Variants in COL1A1 observed in about 807,000 individuals in gnomAD.
COL1A1 encodes collagen type I alpha 1 chain.
COL1A1 carries 21 observed loss-of-function variants against 195.7 expected under a neutral mutation model. The ratio of observed to expected loss-of-function variants is 0.11; its 90% CI spans 0.08 to 0.15. The LOEUF is 0.15. Ranked by LOEUF, COL1A1 falls within the 10% of genes least tolerant of loss-of-function variation. The probability of loss-of-function intolerance (pLI) is 1.00; values close to 1 mark genes in which losing one functional copy is unlikely to be tolerated. For synonymous variants in COL1A1, 749 were observed against 747.3 expected (o/e 1.00, Z -0.04); for missense variants, 1,365 against 2,051.0 (o/e 0.67, Z 6.46).
At chr17:50,198,871 G>A (rs1022099972) in intron 5 of COL1A1, among the ~76,000 whole-genome samples, 12 of 152,094 alleles carry the variant, frequency 7.9e-5, no homozygotes, top group Admixed American at 2.6e-4. Flanking sequence ...GGACATTATC[G>A]GGACATCGGT....
intron 50 of COL1A1, 50 bp downstream of exon 50, chr17:50,185,728 A>G: frequency 6.2e-7 from 1 of 1,611,780 alleles, no homozygotes; most frequent in Non-Finnish European, 8.5e-7. Context: ...CTGGCCAAAA[A>G]GCCCAAGGCC....
chr17:50,185,359 G>GA lies in COL1A1; in HGVS notation c.*142dup, dbSNP rs572791972. 6.5e-6 allele frequency: 6 copies of GA among 928,384 alleles called. No individual in the cohort carries two copies. The East Asian group carries it at 9.0e-5, about 14-fold the overall frequency. The allele number at this position is 928,384 out of a possible 1,614,324, so 57.5% of individuals were successfully genotyped here. A position where few individuals can be genotyped will look rare whatever the true frequency, so the allele number is the denominator to read the frequency against. ...CTAAGTTTGAGAGATGAATGCAAAG[G>GA]AAAAAAATATTTTCCAAAGTCCATG... On this transcript the variant is annotated 3_prime_UTR_variant, in exon 51 of 51. Coordinates refer to ENST00000225964, the MANE Select transcript of COL1A1 (RefSeq NM_000088.4).
At position 50,199,021 on chromosome 17, in the gene COL1A1, A is replaced by G. The variant is rs78271486; in HGVS notation, c.471+205T>C. 0.032 allele frequency among the ~76,000 whole-genome samples: 4,846 copies of G among 152,316 alleles called. 240 individuals are homozygous for G. Among genetic ancestry groups the G allele is most frequent in the African/African-American group, 0.11 (4,589 of 41,540 alleles). ...CCTGATGTTAGCAACTTGCTCAAAC[A>G]GTTCAGAAAAAAAAAGATACATATA... On this transcript the variant is annotated intron_variant, in intron 5 of 50. Transcript: ENST00000225964.
chr17:50,199,496 A>T (rs747939911), intron 3 of COL1A1, 43 bp from the exon 4 acceptor site: 1 of 1,614,156 alleles, frequency 6.2e-7, no homozygotes, highest in East Asian at 2.2e-5. Context: ...AGGTTAGAGA[A>T]GGGAGGACTG....
In COL1A1 at chr17:50,199,336, G is replaced by A. The variant is rs773193800; in HGVS notation, c.370-9C>T. On this transcript the variant is annotated splice_polypyrimidine_tract_variant and intron_variant, in intron 4 of 50. Transcript: ENST00000225964. The stretch of plus-strand genomic sequence containing the variant: ...GGGGGGCCTGCGGGTCCCTGCAGGG[G>A]GAGAGGGCGGGGCCGGGGTGAGCGT... The A allele has an allele frequency of 3.8e-6, 6 of 1,575,114 alleles. No homozygotes were observed. In the East Asian group the frequency reaches 1.2e-4, roughly 31 times the overall value.
At chr17:50,199,049 T>C (rs1010787267) in intron 5 of COL1A1, among the ~76,000 whole-genome samples, 177 bp downstream of exon 5, 1 of 152,224 alleles carries the variant, frequency 6.6e-6, no homozygotes, top group Non-Finnish European at 1.5e-5. Context: ...TACATATACA[T>C]AAACAGAGAC....
In COL1A1 at chr17:50,186,259, T is replaced by C; in HGVS notation, c.4005+58A>G. The C allele has an allele frequency of 6.2e-7, 1 of 1,606,828 alleles. No homozygotes were observed. ...GACCTACTCCAGGACTTCATGTCCCTTCTGAGCACTGGGCTAGCCCATCTC... is the reference window on the plus strand; with the variant it reads ...GACCTACTCCAGGACTTCATGTCCCCTCTGAGCACTGGGCTAGCCCATCTC... On this transcript the variant is annotated intron_variant, in intron 49 of 50. Coordinates refer to ENST00000225964, the MANE Select transcript of COL1A1 (RefSeq NM_000088.4). The surrounding 1 kb of genome is among the most constrained non-coding windows in gnomAD (Gnocchi z 5.3).
intron 26 of COL1A1, 58 bp from the exon 27 acceptor site, chr17:50,192,908 C>T (rs374443365): frequency 1.8e-5 from 29 of 1,612,722 alleles, no homozygotes; most frequent in Middle Eastern, 1.6e-4. Flanking sequence ...AGCTGAGGAC[C>T]GTGGCCTCTA....
At position 50,199,562 on chromosome 17, in the gene COL1A1, G is replaced by A; in HGVS notation, c.327C>T (p.Gly109=). 6.2e-7 allele frequency: 1 copy of A among 1,614,182 alleles called. No homozygotes were observed. The highest frequency in any genetic ancestry group is 1.1e-5 in the South Asian group (1 of 91,088). Residue 109 remains glycine, a synonymous_variant, in exon 3 of 51, where the codon GGC becomes GGT. Coordinates refer to ENST00000225964, the MANE Select transcript of COL1A1 (RefSeq NM_000088.4). ...TTCGAGGGCAGGAGATTACCTCGAC[G>A]CCGGTGGTTTCTTGGTCGGTGGGTG... The part of the protein sequence containing the change: ...SESPTDQETT[G]VEGPKGDTGP...
In COL1A1 at chr17:50,198,128, A is replaced by G. The variant is rs35231764; in HGVS notation, c.588+33T>C. ...TCTTCCCTCCAAAAGACCAAAGCCC[A>G]AGGAGGCATATGAAGACGTCCTGGA... On this transcript the variant is annotated intron_variant, in intron 7 of 50. Transcript: ENST00000225964. 462,175 of 1,612,788 alleles carry G rather than the reference A, an allele frequency of 0.29. 69,541 individuals carry two copies. The highest frequency in any genetic ancestry group is 0.34 in the Middle Eastern group (2,030 of 6,058).
chr17:50,193,957 G>A lies in COL1A1; in HGVS notation c.1753C>T (p.Pro585Ser), dbSNP rs1170607509. The A allele has an allele frequency of 6.2e-7, 1 of 1,614,060 alleles. No individual in the cohort carries two copies. Among genetic ancestry groups the A allele is most frequent in the Non-Finnish European group, 8.5e-7 (1 of 1,179,986 alleles). The change falls in exon 25 of 51, where the codon CCT (proline) becomes TCT (serine). Residue 585 changes from proline (P) to serine (S), a missense_variant. Physicochemically the swap from Pro to Ser is moderately conservative, Grantham distance 74. This residue lies in a region of COL1A1 where 671 missense variants were observed against 1,099.9 expected (regional missense o/e 0.61). Transcript: ENST00000225964. ...TTAATACTCACAGCAGCACCTTTAG[G>A]TCCAGGGAATCCCATCACACCAGCC... The part of the protein sequence containing the change: ...GQAGVMGFPG[P>S]KGAAGEPGKA...
At position 50,199,797 on chromosome 17, in the gene COL1A1, T is replaced by A. The variant is rs766870668; in HGVS notation, c.254A>T (p.Glu85Val). Residue 85 changes from glutamate to valine, a missense_variant, in exon 2 of 51, where the codon GAA becomes GTA. By Grantham distance (121) the Glu-to-Val change is moderately radical. Around this residue, in one of 5 missense-constraint regions of COL1A1, gnomAD observed 194 missense variants for 221.7 expected, o/e 0.88. Coordinates refer to ENST00000225964, the MANE Select transcript of COL1A1 (RefSeq NM_000088.4). ...CDETKNCPGA[E>V]VPEGECCPVC... ...GGGACAGCACTCGCCCTCGGGGACT[T>A]CGGCGCCGGGGCAGTTCTTGGTCTC... The A allele has an allele frequency of 2.5e-6, 4 of 1,613,688 alleles. No individual in the cohort carries two copies. The South Asian group carries it at 4.4e-5, about 18-fold the overall frequency.
chr17:50,190,327 A>G lies in COL1A1; in HGVS notation c.2451T>C (p.Pro817=), dbSNP rs374465457. ...PPGPAGFAGP[P]GADGQPGAKG... is the part of the protein sequence containing the mutation. ...AAATGATGGGGGTCTTGGTACTCACAGGGGGGCCAGCAAAGCCAGCAGGGC... is the reference window on the plus strand; with the variant it reads ...AAATGATGGGGGTCTTGGTACTCACGGGGGGGCCAGCAAAGCCAGCAGGGC... The change falls in exon 35 of 51, where the codon CCT becomes CCC. Residue 817 remains proline, a splice_region_variant and synonymous_variant. Coordinates refer to ENST00000225964, the MANE Select transcript of COL1A1 (RefSeq NM_000088.4). This position sits in a 1 kb window ranked among gnomAD's most constrained non-coding sequence, Gnocchi z 4.7. 47 of 1,587,138 alleles carry G rather than the reference A, an allele frequency of 3.0e-5. No homozygotes were observed. The highest frequency in any genetic ancestry group is 3.8e-5 in the Non-Finnish European group (44 of 1,155,960).
rs993079147 is a variant in COL1A1 at position 50,184,170 on chromosome 17, A to C, written c.*1332T>G. 4.5e-6 allele frequency: 1 copy of C among 220,982 alleles called. No individual in the cohort carries two copies. Among genetic ancestry groups the C allele is most frequent in the East Asian group, 6.6e-5 (1 of 15,244 alleles). The allele number at this position is 220,982 out of a possible 1,614,324, so 13.7% of individuals were successfully genotyped here. ...AAAAACATCTCAAATTATTATACACATACAAAATAGGTACAGAGTCTTTTG... is the reference window on the plus strand; with the variant it reads ...AAAAACATCTCAAATTATTATACACCTACAAAATAGGTACAGAGTCTTTTG... On this transcript the variant is annotated 3_prime_UTR_variant, in exon 51 of 51. Transcript: ENST00000225964.
chr17:50,200,428 A>G (rs1271228123), intron 1 of COL1A1, among the ~76,000 whole-genome samples: 3 of 151,648 alleles, frequency 2.0e-5, no homozygotes, highest in Admixed American at 2.0e-4. Context: ...CGGGGCTAGG[A>G]GAATGGGAGC....
At position 50,188,272 on chromosome 17, in the gene COL1A1, C is replaced by T; in HGVS notation, c.3208-123G>A. ...GCTGCTTCCCACTGTGGCCATCTCT[C>T]CCAACTCCCAGGGAAACCTCCCCAC... On this transcript the variant is annotated intron_variant, in intron 43 of 50. Transcript: ENST00000225964. The surrounding 1 kb of genome is among the most constrained non-coding windows in gnomAD (Gnocchi z 5.6). 9.5e-7 allele frequency: 1 copy of T among 1,056,650 alleles called. No individual in the cohort carries two copies. The highest frequency in any genetic ancestry group is 1.4e-6 in the Non-Finnish European group (1 of 737,686). The allele number at this position is 1,056,650 out of a possible 1,614,324, so 65.5% of individuals were successfully genotyped here.
rs764159135 is a variant in COL1A1 at position 50,189,697 on chromosome 17, G to A, written c.2649C>T (p.Val883=). 4 of 1,613,734 alleles carry A rather than the reference G, an allele frequency of 2.5e-6. No individual in the cohort carries two copies. The highest frequency in any genetic ancestry group is 1.7e-5 in the Admixed American group (1 of 59,978). ...ATGFPGAAGR[V]GPPGPSGNAG... ...GACTTACAGAGGGGCCAGGAGGACC[G>A]ACTCGGCCAGCAGCACCAGGGAAAC... is the stretch of plus-strand genomic sequence containing the variant. The change falls in exon 38 of 51, where the codon GTC becomes GTT. Residue 883 remains valine, a synonymous_variant. Coordinates refer to ENST00000225964, the MANE Select transcript of COL1A1 (RefSeq NM_000088.4). The surrounding 1 kb of genome is among the most constrained non-coding windows in gnomAD (Gnocchi z 5.5).
chr17:50,197,371 G>C (rs1907689550), intron 9 of COL1A1, 138 bp from the exon 10 acceptor site: 1 of 861,458 alleles, frequency 1.2e-6, no homozygotes, highest in Non-Finnish European at 1.9e-6. Context: ...TTTGAATCTA[G>C]AGCTCAGTTT....
rs1301012690 is a variant in COL1A1 at position 50,201,455 on chromosome 17, G to A, written c.59C>T (p.Thr20Met). The A allele has an allele frequency of 6.2e-7, 1 of 1,613,470 alleles. No individual in the cohort carries two copies. The highest frequency in any genetic ancestry group is 1.1e-5 in the South Asian group (1 of 91,056). ...GACTTGGCCTTCCTCTTGGCCGTGC[G>A]TCAGGAGGGCGGTGGCCGCTAAGAG... ...LLLLAATALL[T>M]HGQEEGQVEG... Residue 20 changes from threonine (T) to methionine (M), a missense_variant, in exon 1 of 51, where the codon ACG becomes ATG. Thr to Met is a moderately conservative substitution (Grantham distance 81). This residue lies in a region of COL1A1 where 194 missense variants were observed against 221.7 expected (regional missense o/e 0.88). Coordinates refer to ENST00000225964, the MANE Select transcript of COL1A1 (RefSeq NM_000088.4).
Sources: allele counts gnomAD v4.1 joint callset (sites outside exome capture counted in the v4.1 genomes callset), GRCh38; gene constraint gnomAD v4.1.1; regional missense constraint gnomAD v4.1.1; non-coding constraint Gnocchi (gnomAD v3.1); transcripts MANE v1.5; gene names NCBI Gene and HGNC (gene_info 2026-07-23, HGNC 2026-07-21).